The following SLAIN1 variants were observed in gnomAD, a reference collection of about 807,000 sequenced individuals.
The protein encoded by SLAIN1 is SLAIN motif-containing protein 1.
Under a neutral mutation model 55.4 loss-of-function variants are expected in SLAIN1, and 17 were observed. That is an observed-to-expected ratio of 0.31 (90% CI 0.21 to 0.46). The LOEUF is 0.46. SLAIN1 is among the 20% of genes least tolerant of loss of function. The pLI is 1.00. For synonymous variants in SLAIN1, 348 were observed against 337.4 expected, an observed-to-expected ratio of 1.03 and a Z score of -0.35; for missense variants, 682 against 785.1, an observed-to-expected ratio of 0.87 and a Z score of 1.57.
rs1247670612 is a variant in SLAIN1, at chr13:77,698,510, C to T, written c.597C>T (p.Ala199=). The stretch of plus-strand genomic sequence containing the variant: ...AATTGCTGGATCTGGAGAGCGTAGC[C>T]GCCTGGCGGGACGAGGACGACTACA... The part of the protein sequence containing the change: ...EVELLDLESV[A]AWRDEDDYTW... Residue 199 remains alanine, a synonymous_variant, in exon 1 of 7, where the codon GCC becomes GCT. Coordinates refer to ENST00000418532, the MANE Select transcript of SLAIN1 (RefSeq NM_001242868.2). This position sits in a 1 kb window ranked among gnomAD's most constrained non-coding sequence, Gnocchi z 4.1. The T allele has an allele frequency of 4.8e-6, 7 of 1,452,670 alleles. No homozygotes were observed. Among genetic ancestry groups the T allele is most frequent in the African/African-American group, 3.0e-5 (2 of 67,528 alleles). The allele number at this position is 1,452,670 out of a possible 1,614,324, so 90.0% of individuals were successfully genotyped here. A position where few individuals can be genotyped will look rare whatever the true frequency, so the allele number is the denominator to read the frequency against.
At position 77,698,594 on chromosome 13, in the gene SLAIN1, CCGGGGAGCGGGGG is replaced by C; in HGVS notation, c.626+61_626+73del. On this transcript the variant is annotated intron_variant, in intron 1 of 6. Coordinates refer to ENST00000418532, the MANE Select transcript of SLAIN1 (RefSeq NM_001242868.2). This position sits in a 1 kb window ranked among gnomAD's most constrained non-coding sequence, Gnocchi z 4.1. ...ACCCTGGCCTCGGGGGCTTCGGGCACCGGGGAGCGGGGGCGGGGGGCGGACGGGGGTCCCCTCG... is the reference window on the plus strand; with the variant it reads ...ACCCTGGCCTCGGGGGCTTCGGGCACCGGGGGGCGGACGGGGGTCCCCTCG... The C allele has an allele frequency of 1.6e-5, 21 of 1,344,974 alleles. No individual in the cohort carries two copies. Among genetic ancestry groups the C allele is most frequent in the Non-Finnish European group, 2.0e-5 (21 of 1,052,808 alleles). The allele number at this position is 1,344,974 out of a possible 1,614,324, so 83.3% of individuals were successfully genotyped here. A position where few individuals can be genotyped will look rare whatever the true frequency, so the allele number is the denominator to read the frequency against.
intron 2 of SLAIN1, among the ~76,000 whole-genome samples, chr13:77,737,264 C>A (rs909352629): frequency 6.6e-6 from 1 of 151,942 alleles, no homozygotes; most frequent in Admixed American, 6.6e-5. Context: ...CTATTCTCAC[C>A]AAATTTTCTG....
At chr13:77,746,492 A>G (rs889635708) in intron 3 of SLAIN1, 22 bp from the exon 4 acceptor site, 9 of 1,560,448 alleles carry the variant, frequency 5.8e-6, no homozygotes, top group Non-Finnish European at 7.9e-6. Context: ...AATACATTAG[A>G]GTACTATTTG....
At chr13:77,750,013 T>G (rs970374028) in intron 4 of SLAIN1, among the ~76,000 whole-genome samples, 13 of 152,192 alleles carry the variant, frequency 8.5e-5, no homozygotes, top group African/African-American at 2.9e-4. Context: ...AAGATATTCT[T>G]GGGATGTCTG....
intron 1 of SLAIN1, among the ~76,000 whole-genome samples, chr13:77,700,648 G>A (rs1029254695): frequency 2.0e-5 from 3 of 152,112 alleles, no homozygotes; most frequent in African/African-American, 7.2e-5. Context: ...TGCTTGCAAA[G>A]CACTCTGTTC....
chr13:77,757,791 C>T (rs1020067011), intron 5 of SLAIN1, among the ~76,000 whole-genome samples: 11 of 152,044 alleles, frequency 7.2e-5, no homozygotes, highest in African/African-American at 2.7e-4. Context: ...AGTAGTATTC[C>T]TTGGTGTATA....
At chr13:77,717,000 C>T (rs1479248346) in intron 1 of SLAIN1, among the ~76,000 whole-genome samples, 1 of 152,064 alleles carries the variant, frequency 6.6e-6, no homozygotes, top group Admixed American at 6.6e-5. Context: ...TTTGTAGATG[C>T]CTTCAATCAG....
chr13:77,710,682 G>A (rs184629215), intron 1 of SLAIN1, among the ~76,000 whole-genome samples: 10 of 152,290 alleles, frequency 6.6e-5, no homozygotes, highest in African/African-American at 2.4e-4. Flanking sequence ...AGATCAATGA[G>A]ACAGAAAATT....
chr13:77,732,580 T>A (rs1872924023), intron 2 of SLAIN1, among the ~76,000 whole-genome samples: 1 of 152,146 alleles, frequency 6.6e-6, no homozygotes, highest in Non-Finnish European at 1.5e-5. Flanking sequence ...TAAGTTTGAT[T>A]TAAACTATAG....
Position 77,760,865 on chromosome 13 carries a change from C to T in SLAIN1, c.1452C>T (p.Ser484=), listed in dbSNP as rs201260959. 177 of 1,614,054 alleles carry T rather than the reference C, an allele frequency of 1.1e-4. No homozygotes were observed. The Admixed American group carries it at 1.8e-3, about 17-fold the overall frequency. ...SPGQLQHRVH[S]VGHFPVSIRQ... is the part of the protein sequence containing the mutation. ...GACAGCTTCAACACAGGGTCCACAG[C>T]GTGGGGCATTTCCCAGTGTCTATCC... The change falls in exon 6 of 7, where the codon AGC becomes AGT. Residue 484 remains serine, a synonymous_variant. Coordinates refer to ENST00000418532, the MANE Select transcript of SLAIN1 (RefSeq NM_001242868.2).
At chr13:77,762,491 T>C (rs1451337399) in intron 6 of SLAIN1, among the ~76,000 whole-genome samples, 1 of 152,122 alleles carries the variant, frequency 6.6e-6, no homozygotes, top group African/African-American at 2.4e-5. Context: ...TAGCTTGTTG[T>C]AACCTCAAAC....
At chr13:77,713,612 G>A (rs566775073) in intron 1 of SLAIN1, among the ~76,000 whole-genome samples, 2 of 152,308 alleles carry the variant, frequency 1.3e-5, no homozygotes, top group East Asian at 1.9e-4. Flanking sequence ...AGACAGTGTG[G>A]CGATTCCTCA....
At chr13:77,706,751 G>T (rs2091094000) in intron 1 of SLAIN1, among the ~76,000 whole-genome samples, 1 of 152,150 alleles carries the variant, frequency 6.6e-6, no homozygotes, top group African/African-American at 2.4e-5. Flanking sequence ...CACACTTTGA[G>T]ATCCTGCGTA....
chr13:77,753,492 GTAACT>G (rs2154410794), intron 5 of SLAIN1, 134 bp downstream of exon 5: 1 of 405,508 alleles, frequency 2.5e-6, no homozygotes, highest in South Asian at 1.1e-4. Context: ...TCCTTGCCGT[GTAACT>G]TATTTTTTTA....
At chr13:77,727,396 T>G (rs535705318) in intron 2 of SLAIN1, among the ~76,000 whole-genome samples, 1 of 151,274 alleles carries the variant, frequency 6.6e-6, no homozygotes, top group South Asian at 2.1e-4. Flanking sequence ...TTTTTTTGTG[T>G]GATTGACTAA....
At position 77,698,076 on chromosome 13, in the gene SLAIN1, G is replaced by A. The variant is rs1364782263; in HGVS notation, c.163G>A (p.Ala55Thr). 1.5e-5 allele frequency: 20 copies of A among 1,310,970 alleles called. No individual in the cohort carries two copies. Among genetic ancestry groups the A allele is most frequent in the East Asian group, 7.9e-5 (2 of 25,418 alleles). The allele number at this position is 1,310,970 out of a possible 1,614,324, so 81.2% of individuals were successfully genotyped here. Reference protein sequence around the residue: ...QLRSRAASAAAAPHLLLLPPP... With the variant: ...QLRSRAASAATAPHLLLLPPP... ...GCGGAGTCGAGCGGCCAGCGCGGCC[G>A]CCGCCCCGCACCTGCTGCTGCTGCC... The change falls in exon 1 of 7, where the codon GCC (alanine) becomes ACC (threonine). Residue 55 changes from alanine (A) to threonine (T), a missense_variant. Physicochemically the swap from Ala to Thr is moderately conservative, Grantham distance 58 (BLOSUM62 0). Around this residue, in one of 3 missense-constraint regions of SLAIN1, gnomAD observed 401 missense variants for 417.3 expected, o/e 0.96. Transcript: ENST00000418532. This position sits in a 1 kb window ranked among gnomAD's most constrained non-coding sequence, Gnocchi z 4.1.
intron 1 of SLAIN1, among the ~76,000 whole-genome samples, chr13:77,703,653 T>A (rs1436163164): frequency 6.6e-6 from 1 of 151,962 alleles, no homozygotes; most frequent in East Asian, 1.9e-4. Flanking sequence ...GAACTTCATG[T>A]ATCCTTTTAA....
chr13:77,720,392 C>G (rs76474966), intron 2 of SLAIN1, among the ~76,000 whole-genome samples: 2 of 152,150 alleles, frequency 1.3e-5, no homozygotes, highest in Admixed American at 1.3e-4. Flanking sequence ...GTACAGATTC[C>G]GGAGCCTCCA....
chr13:77,702,259 C>T (rs1399480363), intron 1 of SLAIN1, among the ~76,000 whole-genome samples: 2 of 152,038 alleles, frequency 1.3e-5, no homozygotes, highest in African/African-American at 2.4e-5. Flanking sequence ...TCTCATCCTG[C>T]TATACTGATT....
Sources: gnomAD v4.1 joint callset for allele counts (sites outside exome capture counted in the v4.1 genomes callset) on GRCh38, gnomAD v4.1.1 for gene constraint, gnomAD v4.1.1 regional missense constraint, Gnocchi (gnomAD v3.1) non-coding constraint, MANE v1.5 for transcripts, NCBI Gene and HGNC (gene_info 2026-07-23, HGNC 2026-07-21) for gene names.